ABCC1: variants seen among roughly 807,000 people sequenced by gnomAD.
The protein encoded by ABCC1 is ATP binding cassette subfamily C member 1 (ABCC1 blood group), also known as multidrug resistance-associated protein 1.
Under a neutral mutation model 172.9 loss-of-function variants are expected in ABCC1, and 83 were observed. The observed-to-expected ratio is 0.48, with a 90% confidence interval of 0.40 to 0.58. ABCC1 has a LOEUF of 0.58. Among genes scored for constraint, ABCC1 ranks in the 20% least tolerant of loss-of-function variants. ABCC1 has a pLI of 0.00. For synonymous variants in ABCC1, 937 were observed against 825.2 expected (o/e 1.14, Z -2.32); for missense variants, 1,817 against 2,002.7 (o/e 0.91, Z 1.77).
At chr16:15,959,170 C>A (rs530773746) in intron 1 of ABCC1, among the ~76,000 whole-genome samples, 1 of 152,098 alleles carries the variant, frequency 6.6e-6, no homozygotes, top group Non-Finnish European at 1.5e-5. Flanking sequence ...CTTAATGAGA[C>A]GTTAAGGAGG....
chr16:15,956,234 G>A (rs181664228), intron 1 of ABCC1, among the ~76,000 whole-genome samples: 16 of 152,128 alleles, frequency 1.1e-4, no homozygotes, highest in East Asian at 5.8e-4. Flanking sequence ...GTGTGGTGGC[G>A]GGTGCCTGTA....
chr16:15,974,684 C>T (rs566111818), intron 1 of ABCC1, among the ~76,000 whole-genome samples: 23 of 152,248 alleles, frequency 1.5e-4, no homozygotes, highest in South Asian at 1.5e-3. Flanking sequence ...GCAGTGTTTA[C>T]AGGATGGGCT....
At chr16:16,064,643 C>T (rs2050047044) in intron 12 of ABCC1, among the ~76,000 whole-genome samples, 2 of 152,234 alleles carry the variant, frequency 1.3e-5, no homozygotes, top group African/African-American at 2.4e-5. Flanking sequence ...TGCTTCACTG[C>T]TGAAGAGACA....
At chr16:16,136,300 A>C (rs2045915227) in intron 28 of ABCC1, among the ~76,000 whole-genome samples, 178 bp from the exon 29 acceptor site, 1 of 152,186 alleles carries the variant, frequency 6.6e-6, no homozygotes, top group Non-Finnish European at 1.5e-5. Context: ...CTGGGATTAC[A>C]GGCGTGAACC....
intron 5 of ABCC1, among the ~76,000 whole-genome samples, chr16:16,026,896 G>A (rs770728383): frequency 1.8e-4 from 27 of 152,194 alleles, no homozygotes; most frequent in Admixed American, 4.6e-4. Context: ...CAGCCTGGGC[G>A]ACAGAGTGAG....
At chr16:16,097,092 C>G (rs1158345041) in intron 19 of ABCC1, among the ~76,000 whole-genome samples, 1 of 151,914 alleles carries the variant, frequency 6.6e-6, no homozygotes, top group Non-Finnish European at 1.5e-5. Context: ...AATTTAAGAT[C>G]TGAGGGTTTT....
At chr16:16,131,496 C>T (rs1292004975) in intron 26 of ABCC1, among the ~76,000 whole-genome samples, 1 of 152,322 alleles carries the variant, frequency 6.6e-6, no homozygotes, top group South Asian at 2.1e-4. Context: ...ACAGAATACA[C>T]TCAAGCATGC....
chr16:15,956,576 A>G (rs756926523), intron 1 of ABCC1, among the ~76,000 whole-genome samples: 5 of 152,046 alleles, frequency 3.3e-5, no homozygotes, highest in Non-Finnish European at 7.3e-5. Flanking sequence ...GCCTCAAGCT[A>G]TTCACCTGCC....
intron 1 of ABCC1, among the ~76,000 whole-genome samples, chr16:15,982,421 C>T (rs755806649): frequency 3.9e-5 from 6 of 151,934 alleles, no homozygotes; most frequent in Non-Finnish European, 5.9e-5. Flanking sequence ...CACATGGCGG[C>T]AGGAAGGAGA....
intron 1 of ABCC1, among the ~76,000 whole-genome samples, chr16:15,965,797 A>G (rs1394012733): frequency 4.0e-5 from 6 of 149,836 alleles, no homozygotes; most frequent in East Asian, 2.0e-4. Flanking sequence ...GGGTTTCACC[A>G]TGTTGGCCAG....
intron 12 of ABCC1, among the ~76,000 whole-genome samples, chr16:16,059,771 T>C (rs1417916506): frequency 6.6e-6 from 1 of 151,600 alleles, no homozygotes; most frequent in Non-Finnish European, 1.5e-5. Context: ...TGCCACACAC[T>C]CCTGGCTGGG....
intron 1 of ABCC1, among the ~76,000 whole-genome samples, chr16:15,999,718 G>A (rs1484203521): frequency 2.3e-5 from 3 of 132,116 alleles, no homozygotes; most frequent in Admixed American, 8.5e-5. Context: ...CTCCCATTTC[G>A]GTCTCCCAAA....
chr16:16,024,454 C>T (rs1466327180), intron 5 of ABCC1, among the ~76,000 whole-genome samples: 1 of 152,158 alleles, frequency 6.6e-6, no homozygotes, highest in Non-Finnish European at 1.5e-5. Flanking sequence ...GGGGCTCAAG[C>T]GATCCTCCCA....
chr16:16,009,241 G>GAA (rs1006917703), intron 2 of ABCC1, among the ~76,000 whole-genome samples: 1 of 152,148 alleles, frequency 6.6e-6, no homozygotes, highest in Non-Finnish European at 1.5e-5. Context: ...TTACAGGCAT[G>GAA]AATCTGGCCT....
chr16:16,126,751 A>G (rs1260166164), intron 26 of ABCC1, among the ~76,000 whole-genome samples: 1 of 152,210 alleles, frequency 6.6e-6, no homozygotes, highest in African/African-American at 2.4e-5. Context: ...TGTGATTGTA[A>G]TAAATTTTCC....
chr16:15,949,845 G>T, intron 1 of ABCC1, 46 bp downstream of exon 1: 1 of 1,185,912 alleles, frequency 8.4e-7, no homozygotes, highest in South Asian at 4.2e-5. Flanking sequence ...GAGGGAGGCC[G>T]GCGGGGAGGG....
chr16:15,985,839 A>T (rs2046731093), intron 1 of ABCC1, among the ~76,000 whole-genome samples: 1 of 152,010 alleles, frequency 6.6e-6, no homozygotes, highest in South Asian at 2.1e-4. Flanking sequence ...TCCAAAATGT[A>T]CGGCTGGTGT....
intron 1 of ABCC1, among the ~76,000 whole-genome samples, chr16:15,988,471 G>A (rs979806231): frequency 8.5e-5 from 13 of 152,254 alleles, no homozygotes; most frequent in Non-Finnish European, 1.5e-4. Context: ...CCTATGCCCA[G>A]CACATGCCTG....
intron 26 of ABCC1, among the ~76,000 whole-genome samples, chr16:16,127,675 C>A (rs1324943061): frequency 6.6e-6 from 1 of 152,182 alleles, no homozygotes; most frequent in East Asian, 1.9e-4. Flanking sequence ...ACCCGGCCTC[C>A]TGAGGAGAGA....
Sources: allele counts gnomAD v4.1 joint callset (sites outside exome capture counted in the v4.1 genomes callset), GRCh38; gene constraint gnomAD v4.1.1; transcripts MANE v1.5; gene names NCBI Gene and HGNC (gene_info 2026-07-23, HGNC 2026-07-21).